The following TFEB variants were observed in gnomAD, a reference collection of about 807,000 sequenced individuals.
TFEB encodes transcription factor EB, also known as T-cell transcription factor EB.
TFEB carries 12 observed loss-of-function variants against 48.0 expected under a neutral mutation model. The observed-to-expected ratio is 0.25, with a 90% CI of 0.16 to 0.40. The LOEUF (loss-of-function observed/expected upper bound fraction) is 0.40. Among genes scored for constraint, TFEB ranks in the 10% least tolerant of loss-of-function variants. The pLI, the probability that TFEB is intolerant of heterozygous loss-of-function variation, is 1.00. For missense variants in TFEB, 509 were observed against 640.3 expected, an observed-to-expected ratio of 0.79 and a Z score of 2.21; for synonymous variants, 244 against 261.4, an observed-to-expected ratio of 0.93 and a Z score of 0.64.
intron 1 of TFEB, among the ~76,000 whole-genome samples, chr6:41,715,232 G>A (rs1250675386): frequency 1.3e-5 from 2 of 152,156 alleles, no homozygotes; most frequent in African/African-American, 4.8e-5. Context: ...CAGGGAGTAT[G>A]TGCGGACCAC....
intron 1 of TFEB, chr6:41,732,764 C>T (rs1011530622): frequency 2.9e-5 from 29 of 985,792 alleles, no homozygotes; most frequent in Admixed American, 1.8e-4. Context: ...ATGTTCACTG[C>T]GTCCTGGGAC....
intron 1 of TFEB, among the ~76,000 whole-genome samples, chr6:41,714,383 G>A (rs1770638951): frequency 6.6e-6 from 1 of 152,202 alleles, no homozygotes; most frequent in South Asian, 2.1e-4. Context: ...TTGGGGAAGT[G>A]TCTTTGTTCT....
chr6:41,707,753 G>A (rs771307641), intron 1 of TFEB, among the ~76,000 whole-genome samples: 13 of 151,986 alleles, frequency 8.6e-5, no homozygotes, highest in Admixed American at 2.6e-4. Flanking sequence ...GTATGCCACC[G>A]CACGAAATTA....
chr6:41,705,166 T>C (rs1026459705), intron 1 of TFEB, among the ~76,000 whole-genome samples: 3 of 152,152 alleles, frequency 2.0e-5, no homozygotes, highest in African/African-American at 7.2e-5. Context: ...GGACAGTGTG[T>C]GCCTGGGCCT....
rs1172421067 is a variant in TFEB at position 41,734,434 on chromosome 6, C to CA, written c.-23+915dup. On this transcript the variant is annotated intron_variant, in intron 1 of 8. Coordinates refer to ENST00000373033, the MANE Select transcript of TFEB (RefSeq NM_001271944.2). The surrounding 1 kb of genome is among the most constrained non-coding windows in gnomAD (Gnocchi z 4.0). ...CCGCGCGGGGAGGGGGCCGAGCTGG[C>CA]ATCTGCCCGCTCCCTTCCAGGAGGC... 1.0e-6 allele frequency: 1 copy of CA among 955,618 alleles called. No individual in the cohort carries two copies. The highest frequency in any genetic ancestry group is 1.2e-6 in the Non-Finnish European group (1 of 803,484). 59.2% of individuals were successfully genotyped at this position (955,618 alleles called of 1,614,324 possible). A position where few individuals can be genotyped will look rare whatever the true frequency, so the allele number is the denominator to read the frequency against.
At chr6:41,713,273 C>T (rs114801271) in intron 1 of TFEB, among the ~76,000 whole-genome samples, 2,803 of 152,248 alleles carry the variant, frequency 0.018, 81 homozygotes, top group African/African-American at 0.063. Context: ...GAGTCACCAG[C>T]TGGCTGCAGC....
chr6:41,690,828 C>T lies in TFEB; in HGVS notation c.303G>A (p.Gly101=), dbSNP rs2273068. 0.14 allele frequency: 220,020 copies of T among 1,612,696 alleles called. 15,561 individuals are homozygous for T. The highest frequency in any genetic ancestry group is 0.2 in the Middle Eastern group (1,183 of 6,058). ...KVREYLSETY[G]NKFAAHISPA... Reference sequence around the variant, plus strand: ...GGCTGATGTGGGCAGCAAACTTGTTCCCATAGGTCTCGGACAGGTACTCCC... The same window carrying T: ...GGCTGATGTGGGCAGCAAACTTGTTTCCATAGGTCTCGGACAGGTACTCCC... Residue 101 remains glycine (G), a synonymous_variant, in exon 3 of 9, where the codon GGG becomes GGA. Transcript: ENST00000373033.
At chr6:41,708,440 C>T (rs1487585017) in intron 1 of TFEB, among the ~76,000 whole-genome samples, 1 of 152,214 alleles carries the variant, frequency 6.6e-6, no homozygotes, top group Non-Finnish European at 1.5e-5. Context: ...GGTGCCTGAA[C>T]CAATGAAGTT....
At position 41,684,765 on chromosome 6, in the gene TFEB, C is replaced by G. The variant is rs1768900087; in HGVS notation, c.1265G>C (p.Gly422Ala). ...GYPEPLAPGH[G>A]SPFPSLSKKD... is the part of the protein sequence containing the mutation. ...CTTGGACAGGCTGGGGAATGGGGAG[C>G]CATGCCCCGGCGCCAGGGGTTCGGG... The change falls in exon 9 of 9, where the codon GGC becomes GCC. Residue 422 changes from glycine to alanine, a missense_variant. Around this residue, in one of 4 missense-constraint regions of TFEB, gnomAD observed 168 missense variants for 161.0 expected, o/e 1.04. Transcript: ENST00000373033. 3.1e-6 allele frequency: 5 copies of G among 1,612,034 alleles called. No homozygotes were observed. Among genetic ancestry groups the G allele is most frequent in the Non-Finnish European group, 4.2e-6 (5 of 1,179,242 alleles).
chr6:41,734,858 C>A lies in TFEB; in HGVS notation c.-23+492G>T, dbSNP rs866371355. ...CGCCGCTCTGGCCCTCCCACTCCCC[C>A]CGCTGGCCTGGCCAGACTCAGCCCC... is the stretch of plus-strand genomic sequence containing the variant. On this transcript the variant is annotated intron_variant, in intron 1 of 8. Transcript: ENST00000373033. This position sits in a 1 kb window ranked among gnomAD's most constrained non-coding sequence, Gnocchi z 4.0. 5 of 983,234 alleles carry A rather than the reference C, an allele frequency of 5.1e-6. No individual in the cohort carries two copies. Among genetic ancestry groups the A allele is most frequent in the Middle Eastern group, 5.2e-4 (1 of 1,914 alleles). 60.9% of individuals were successfully genotyped at this position (983,234 alleles called of 1,614,324 possible).
At position 41,723,515 on chromosome 6, in the gene TFEB, G is replaced by A. The variant is rs1208108045; in HGVS notation, c.-23+11835C>T. On this transcript the variant is annotated intron_variant, in intron 1 of 8. Transcript: ENST00000373033. The surrounding 1 kb of genome is among the most constrained non-coding windows in gnomAD (Gnocchi z 6.0). ...CCCCTGGAATGCTCAGCTCCTCCAG[G>A]GGCCGGAGCCCAGGGCCGCACCCCA... 1.6e-6 allele frequency: 2 copies of A among 1,288,616 alleles called. No homozygotes were observed. Among genetic ancestry groups the A allele is most frequent in the South Asian group, 1.2e-5 (1 of 80,894 alleles). 79.8% of individuals were successfully genotyped at this position (1,288,616 alleles called of 1,614,324 possible).
intron 1 of TFEB, among the ~76,000 whole-genome samples, chr6:41,718,616 CT>C (rs1770842565): frequency 6.6e-6 from 1 of 152,102 alleles, no homozygotes; most frequent in Non-Finnish European, 1.5e-5. Flanking sequence ...CTTATGCCCC[CT>C]GTTTGAGGTT....
In TFEB at chr6:41,688,199, C is replaced by G. The variant is rs1229451282; in HGVS notation, c.550-171G>C. 10 of 767,756 alleles carry G rather than the reference C, an allele frequency of 1.3e-5. No homozygotes were observed. In the South Asian group the frequency reaches 1.4e-4, roughly 11 times the overall value. The allele number at this position is 767,756 out of a possible 1,614,324, so 47.6% of individuals were successfully genotyped here. A position where few individuals can be genotyped will look rare whatever the true frequency, so the allele number is the denominator to read the frequency against. On this transcript the variant is annotated intron_variant, in intron 4 of 8. Coordinates refer to ENST00000373033, the MANE Select transcript of TFEB (RefSeq NM_001271944.2). ...ACCTGAAGGTCTGCAGAGTCCAGAG[C>G]TATTATAAGATGTAGTCCCTGCCCT...
chr6:41,698,461 A>T (rs1769726498), intron 1 of TFEB, among the ~76,000 whole-genome samples: 1 of 152,172 alleles, frequency 6.6e-6, no homozygotes, highest in Admixed American at 6.5e-5. Flanking sequence ...ATCCCCAAAC[A>T]CAGGCAGAAA....
rs73733007 is a variant in TFEB at position 41,724,044 on chromosome 6, G to A, written c.-23+11306C>T. 8,229 of 428,338 alleles carry A rather than the reference G, an allele frequency of 0.019. 555 individuals are homozygous for A. Among genetic ancestry groups the A allele is most frequent in the African/African-American group, 0.15 (7,290 of 49,208 alleles). 26.5% of individuals were successfully genotyped at this position (428,338 alleles called of 1,614,324 possible). A position where few individuals can be genotyped will look rare whatever the true frequency, so the allele number is the denominator to read the frequency against. On this transcript the variant is annotated intron_variant, in intron 1 of 8. Coordinates refer to ENST00000373033, the MANE Select transcript of TFEB (RefSeq NM_001271944.2). The surrounding 1 kb of genome is among the most constrained non-coding windows in gnomAD (Gnocchi z 4.4). ...CTTCCCAGGGCCTCCAGACACCCAG[G>A]TCGAGGCCGTACTACAGCCCACCTT...
rs968487204 is a variant in TFEB at position 41,735,605 on chromosome 6, C to T, written c.-278G>A. 5.1e-5 allele frequency: 50 copies of T among 974,026 alleles called. No individual in the cohort carries two copies. The highest frequency in any genetic ancestry group is 6.1e-5 in the Non-Finnish European group (50 of 819,592). The allele number at this position is 974,026 out of a possible 1,614,324, so 60.3% of individuals were successfully genotyped here. A position where few individuals can be genotyped will look rare whatever the true frequency, so the allele number is the denominator to read the frequency against. ...CGGCGCCCGGGCTCCGGCTGTCACT[C>T]CACGCACACTTCCCTCCGCGCCCGG... On this transcript the variant is annotated 5_prime_UTR_variant, in exon 1 of 9. Coordinates refer to ENST00000373033, the MANE Select transcript of TFEB (RefSeq NM_001271944.2).
chr6:41,703,376 G>T (rs1234795949), intron 1 of TFEB, among the ~76,000 whole-genome samples: 1 of 152,110 alleles, frequency 6.6e-6, no homozygotes, highest in Non-Finnish European at 1.5e-5. Flanking sequence ...CCCCGCCTCA[G>T]CCCTCCCTGC....
chr6:41,686,558 TG>T (rs1769020913), intron 7 of TFEB: 2 of 263,434 alleles, frequency 7.6e-6, no homozygotes, highest in Non-Finnish European at 1.4e-5. Context: ...TTGCCCAGGC[TG>T]GAATGCAGTG....
At chr6:41,709,781 A>T (rs1162910270) in intron 1 of TFEB, among the ~76,000 whole-genome samples, 1 of 152,066 alleles carries the variant, frequency 6.6e-6, no homozygotes, top group Non-Finnish European at 1.5e-5. Flanking sequence ...CTTTCCATTA[A>T]ATTTATTTTT....
Sources: allele counts gnomAD v4.1 joint callset (sites outside exome capture counted in the v4.1 genomes callset), GRCh38; gene constraint gnomAD v4.1.1; regional missense constraint gnomAD v4.1.1; non-coding constraint Gnocchi (gnomAD v3.1); transcripts MANE v1.5; gene names NCBI Gene and HGNC (gene_info 2026-07-23, HGNC 2026-07-21).